Variants in SLC13A5 observed in about 807,000 individuals in gnomAD.
SLC13A5 encodes the protein solute carrier family 13 member 5, also known as Na(+)/citrate cotransporter.
Under a neutral mutation model 56.5 loss-of-function variants are expected in SLC13A5, and 25 were observed. The ratio of observed to expected loss-of-function variants is 0.44; its 90% CI spans 0.32 to 0.62. The LOEUF is 0.62. Among genes scored for constraint, SLC13A5 ranks in the 20% least tolerant of loss-of-function variants. The probability of loss-of-function intolerance (pLI) is 0.04; values close to 1 mark genes in which losing one functional copy is unlikely to be tolerated. For missense variants in SLC13A5, 649 were observed against 737.8 expected, an observed-to-expected ratio of 0.88 and a Z score of 1.39; for synonymous variants, 307 against 301.5, an observed-to-expected ratio of 1.02 and a Z score of -0.19.
Position 6,694,199 on chromosome 17 carries a change from T to A in SLC13A5, c.1056-2A>T. The A allele has an allele frequency of 6.3e-7, 1 of 1,592,030 alleles. No individual in the cohort carries two copies. The highest frequency in any genetic ancestry group is 8.6e-7 in the Non-Finnish European group (1 of 1,160,774). ...GCCACAGTGGCATCGGAGACATACC[T>A]AGGTGGGGAAAAGCACAGCTCATCT... is the stretch of plus-strand genomic sequence containing the variant. On this transcript the variant is annotated splice_acceptor_variant, in intron 7 of 11. Coordinates refer to ENST00000433363, the MANE Select transcript of SLC13A5 (RefSeq NM_177550.5). LOFTEE classifies it high-confidence loss of function.
In SLC13A5 at chr17:6,686,306, T is replaced by G; in HGVS notation, c.1608A>C (p.Gly536=). The change falls in exon 12 of 12, where the codon GGA becomes GGC. Residue 536 remains glycine, a synonymous_variant. Transcript: ENST00000433363. The stretch of plus-strand genomic sequence containing the variant: ...TGACAGCCAAAAACACACAGAAGAC[T>G]CCAATTATGTTCATTATGACTCCTG... ...VKTGVIMNII[G]VFCVFLAVNT... The G allele has an allele frequency of 1.2e-6, 2 of 1,613,928 alleles. No individual in the cohort carries two copies. The highest frequency in any genetic ancestry group is 1.1e-5 in the South Asian group (1 of 91,064).
intron 6 of SLC13A5, among the ~76,000 whole-genome samples, chr17:6,698,397 C>G (rs962591644): frequency 6.6e-6 from 1 of 152,254 alleles, no homozygotes; most frequent in African/African-American, 2.4e-5. Flanking sequence ...TCTGGCCAGA[C>G]AAGAAGCTGA....
rs1973703196 is a variant in SLC13A5 at position 6,701,177 on chromosome 17, C to T, written c.717-51G>A. On this transcript the variant is annotated intron_variant, in intron 5 of 11. Coordinates refer to ENST00000433363, the MANE Select transcript of SLC13A5 (RefSeq NM_177550.5). The surrounding 1 kb of genome is among the most constrained non-coding windows in gnomAD (Gnocchi z 4.1). ...TCAGATGCTGAGCTGTGGGAGCCAGCCTGGCCCTGTGCGTGGGGACGGAGC... is the reference window on the plus strand; with the variant it reads ...TCAGATGCTGAGCTGTGGGAGCCAGTCTGGCCCTGTGCGTGGGGACGGAGC... 3 of 1,607,370 alleles carry T rather than the reference C, an allele frequency of 1.9e-6. No homozygotes were observed. The highest frequency in any genetic ancestry group is 1.1e-5 in the South Asian group (1 of 90,486).
chr17:6,713,274 G>A lies in SLC13A5; in HGVS notation c.60C>T (p.Thr20=), dbSNP rs141481217. The change falls in exon 1 of 12, where the codon ACC becomes ACT. Residue 20 remains threonine, a synonymous_variant. Transcript: ENST00000433363. The surrounding 1 kb of genome is among the most constrained non-coding windows in gnomAD (Gnocchi z 7.3). ...KFKSFVILFV[T]PLLLLPLVIL... ...TGACGAGTGGCAGCAGCAGGAGCGG[G>A]GTGACGAACAAGATCACGAAGGACT... The A allele has an allele frequency of 7.1e-5, 115 of 1,614,028 alleles. No individual in the cohort carries two copies. Among genetic ancestry groups the A allele is most frequent in the Middle Eastern group, 3.3e-4 (2 of 6,062 alleles).
chr17:6,707,975 T>TG (rs1418508180), intron 1 of SLC13A5, among the ~76,000 whole-genome samples: 6 of 148,600 alleles, frequency 4.0e-5, no homozygotes, highest in Non-Finnish European at 7.5e-5. Context: ...ATCAGTATTT[T>TG]TTGTGTGTGT....
At chr17:6,698,920 T>C (rs141546170) in intron 6 of SLC13A5, among the ~76,000 whole-genome samples, 20,579 of 151,684 alleles carry the variant, frequency 0.14, 1,667 homozygotes, top group East Asian at 0.41. Flanking sequence ...TGGGTGCCTG[T>C]AATTCCAGCT....
intron 1 of SLC13A5, among the ~76,000 whole-genome samples, chr17:6,709,069 T>C (rs59447367): frequency 0.21 from 30,654 of 148,962 alleles, 3,560 homozygotes; most frequent in East Asian, 0.34. Context: ...CAGCTCACTG[T>C]AACCTCCATC....
intron 1 of SLC13A5, among the ~76,000 whole-genome samples, chr17:6,710,060 C>A (rs1401406691): frequency 6.6e-6 from 1 of 152,212 alleles, no homozygotes; most frequent in Non-Finnish European, 1.5e-5. Flanking sequence ...AAAGGCGGAA[C>A]AGCAGCGTGA....
intron 11 of SLC13A5, chr17:6,686,724 C>T (rs1973261952): frequency 4.9e-6 from 1 of 204,790 alleles, no homozygotes; most frequent in African/African-American, 2.2e-5. Flanking sequence ...TGTGGACCTC[C>T]TCAGGCTCTT....
Position 6,701,754 on chromosome 17 carries a change from A to C in SLC13A5, c.717-628T>G, listed in dbSNP as rs529638280. Among the ~76,000 whole-genome samples, 4 of 152,314 alleles carry C rather than the reference A, an allele frequency of 2.6e-5. No homozygotes were observed. The East Asian group carries it at 7.7e-4, about 29-fold the overall frequency. ...TACACCTTTTATACACATGCATGTAATTTGGCTGACATCTTTGGGGATCTG... is the reference window on the plus strand; with the variant it reads ...TACACCTTTTATACACATGCATGTACTTTGGCTGACATCTTTGGGGATCTG... On this transcript the variant is annotated intron_variant, in intron 5 of 11. Coordinates refer to ENST00000433363, the MANE Select transcript of SLC13A5 (RefSeq NM_177550.5). The surrounding 1 kb of genome is among the most constrained non-coding windows in gnomAD (Gnocchi z 4.1).
chr17:6,705,276 G>A (rs533020368), intron 3 of SLC13A5: 3 of 152,212 alleles, frequency 2.0e-5, no homozygotes, highest in African/African-American at 4.8e-5. Flanking sequence ...GGCACCAAGG[G>A]TGCCTCACAT....
chr17:6,702,345 T>C (rs571477929), intron 5 of SLC13A5, among the ~76,000 whole-genome samples: 8 of 152,322 alleles, frequency 5.3e-5, no homozygotes, highest in African/African-American at 1.9e-4. Context: ...CTCTCCCTCT[T>C]GGGGTCCTCA....
chr17:6,686,328 C>A lies in SLC13A5; in HGVS notation c.1586G>T (p.Gly529Val). Residue 529 changes from glycine (G) to valine (V), a missense_variant, in exon 12 of 12, where the codon GGA becomes GTA. By Grantham distance (109) the Gly-to-Val change is moderately radical (BLOSUM62 -3). Transcript: ENST00000433363. ...HLKVADMVKT[G>V]VIMNIIGVFC... Reference sequence around the variant, plus strand: ...GACTCCAATTATGTTCATTATGACTCCTGTTTTCACCTGGAAAAGAGACAG... The same window carrying A: ...GACTCCAATTATGTTCATTATGACTACTGTTTTCACCTGGAAAAGAGACAG... 1 of 1,614,088 alleles carries A rather than the reference C, an allele frequency of 6.2e-7. No individual in the cohort carries two copies. Among genetic ancestry groups the A allele is most frequent in the Non-Finnish European group, 8.5e-7 (1 of 1,179,988 alleles).
rs1221579990 is a variant in SLC13A5, at chr17:6,703,917, G to A, written c.508C>T (p.Leu170=). Residue 170 remains leucine (L), a synonymous_variant, in exon 4 of 12, where the codon CTG becomes TTG. Transcript: ENST00000433363. ...GCCTTGCCCTTGTCCACCAGCTCCAGGCCGGCCTCGGTGGCTGCGCTTGTG... is the reference window on the plus strand; with the variant it reads ...GCCTTGCCCTTGTCCACCAGCTCCAAGCCGGCCTCGGTGGCTGCGCTTGTG... ...EATSAATEAG[L]ELVDKGKAKE... 1.9e-6 allele frequency: 3 copies of A among 1,586,796 alleles called. No individual in the cohort carries two copies. The highest frequency in any genetic ancestry group is 2.6e-6 in the Non-Finnish European group (3 of 1,164,664).
In SLC13A5 at chr17:6,694,176, C is replaced by T. The variant is rs372363091; in HGVS notation, c.1077G>A (p.Val359=). Residue 359 remains valine (V), a synonymous_variant, in exon 8 of 12, where the codon GTG becomes GTA. Transcript: ENST00000433363. ...GETKYVSDAT[V]AIFVATLLFI... is the part of the protein sequence containing the mutation. ...ATAGCAGGGTGGCCACAAAGATGGCCACAGTGGCATCGGAGACATACCTAG... is the reference window on the plus strand; with the variant it reads ...ATAGCAGGGTGGCCACAAAGATGGCTACAGTGGCATCGGAGACATACCTAG... 117 of 1,612,462 alleles carry T rather than the reference C, an allele frequency of 7.3e-5. No homozygotes were observed. Among genetic ancestry groups the T allele is most frequent in the Non-Finnish European group, 2.5e-5 (29 of 1,179,046 alleles).
At chr17:6,698,456 G>A (rs1309457502) in intron 6 of SLC13A5, among the ~76,000 whole-genome samples, 1 of 152,208 alleles carries the variant, frequency 6.6e-6, no homozygotes, top group Admixed American at 6.5e-5. Context: ...CTCTTTCTCA[G>A]TAGGCCTTGG....
At chr17:6,705,594 C>T (rs1973845173) in intron 3 of SLC13A5, 1 of 152,128 alleles carries the variant, frequency 6.6e-6, no homozygotes, top group South Asian at 2.1e-4. Flanking sequence ...GGATGTGTAA[C>T]AGATCAGAGA....
In SLC13A5 at chr17:6,692,119, GGATA is replaced by G. The variant is rs1293131768; in HGVS notation, c.1275+921_1275+924del. Among the ~76,000 whole-genome samples, 4 of 124,378 alleles carry G rather than the reference GGATA, an allele frequency of 3.2e-5. No individual in the cohort carries two copies. The highest frequency in any genetic ancestry group is 5.1e-5 in the Non-Finnish European group (3 of 58,650). 81.6% of individuals were successfully genotyped at this position (124,378 alleles called of 152,430 possible). A position where few individuals can be genotyped will look rare whatever the true frequency, so the allele number is the denominator to read the frequency against. On this transcript the variant is annotated intron_variant, in intron 9 of 11. Transcript: ENST00000433363. This position sits in a 1 kb window ranked among gnomAD's most constrained non-coding sequence, Gnocchi z 5.5. ...TAATAGGAATGTTGGATGGATGGAT[GGATA>G]GATGGATGGATGGATGGATGGATGG...
At chr17:6,707,279 CAA>C in intron 1 of SLC13A5, 123 bp from the exon 2 acceptor site, 1 of 1,303,994 alleles carries the variant, frequency 7.7e-7, no homozygotes, top group Non-Finnish European at 1.0e-6. Context: ...GGATTCCCCT[CAA>C]AGTCATCTTG....
Sources: gnomAD v4.1 joint callset for allele counts (sites outside exome capture counted in the v4.1 genomes callset) on GRCh38, gnomAD v4.1.1 for gene constraint, Gnocchi (gnomAD v3.1) non-coding constraint, MANE v1.5 for transcripts, NCBI Gene and HGNC (gene_info 2026-07-23, HGNC 2026-07-21) for gene names.